IQCE: variants seen among roughly 807,000 people sequenced by gnomAD.
IQCE encodes IQ motif containing E.
In IQCE, 115 loss-of-function variants were observed where a neutral mutation model predicts 96.0. The observed-to-expected ratio is 1.20, with a 90% CI of 1.03 to 1.40. IQCE has a LOEUF of 1.40. Among genes scored for constraint, IQCE ranks in the 40% most tolerant of loss-of-function variants. IQCE has a pLI of 0.00. For synonymous variants in IQCE, 412 were observed against 371.2 expected (o/e 1.11, Z -1.26); for missense variants, 1,041 against 909.1 (o/e 1.15, Z -1.87).
intron 13 of IQCE, among the ~76,000 whole-genome samples, 188 bp downstream of exon 13, chr7:2,588,065 C>T (rs942939261): frequency 4.6e-5 from 7 of 152,248 alleles, no homozygotes; most frequent in African/African-American, 1.7e-4. Context: ...ATGCCCCTCG[C>T]TGGGCTGTGA....
At chr7:2,604,472 G>C (rs927983963) in intron 18 of IQCE, among the ~76,000 whole-genome samples, 1 of 152,210 alleles carries the variant, frequency 6.6e-6, no homozygotes, top group Non-Finnish European at 1.5e-5. Flanking sequence ...CAGAGGTCTT[G>C]TGGCCCCTTG....
At chr7:2,607,084 C>G in intron 20 of IQCE, 40 bp from the exon 21 acceptor site, 1 of 1,552,258 alleles carries the variant, frequency 6.4e-7, no homozygotes, top group Non-Finnish European at 8.7e-7. Context: ...TTTGTACTCT[C>G]TAAAAGCAGA....
At position 2,598,641 on chromosome 7, in the gene IQCE, C is replaced by G; in HGVS notation, c.1608+9C>G. 6 of 1,521,224 alleles carry G rather than the reference C, an allele frequency of 3.9e-6. No individual in the cohort carries two copies. Among genetic ancestry groups the G allele is most frequent in the Non-Finnish European group, 5.3e-6 (6 of 1,133,658 alleles). The allele number at this position is 1,521,224 out of a possible 1,614,324, so 94.2% of individuals were successfully genotyped here. On this transcript the variant is annotated intron_variant, in intron 17 of 21. Coordinates refer to ENST00000402050, the MANE Select transcript of IQCE (RefSeq NM_152558.5). ...AGGTGTACAAGCACAAGGTGAGGCT[C>G]CCCGGGGCGACCCGGGCTGCTCCCT...
At chr7:2,579,000 G>A (rs2917741) in intron 8 of IQCE, among the ~76,000 whole-genome samples, 114,061 of 150,362 alleles carry the variant, frequency 0.76, 43,529 homozygotes, top group African/African-American at 0.81. Context: ...CAGAGGTTGC[G>A]GTGAGTTGAG....
intron 16 of IQCE, among the ~76,000 whole-genome samples, chr7:2,597,690 CAG>C (rs1405067517): frequency 2.6e-5 from 4 of 152,226 alleles, no homozygotes; most frequent in Non-Finnish European, 5.9e-5. Context: ...TTTTTAGAGA[CAG>C]GGTCTCACTC....
intron 21 of IQCE, 51 bp from the exon 22 acceptor site, chr7:2,609,993 G>C (rs1562689919): frequency 9.9e-7 from 1 of 1,010,466 alleles, no homozygotes. Context: ...CGTGGTGGCA[G>C]CCCCTGAGGT....
At chr7:2,596,345 G>T (rs1303898393) in intron 16 of IQCE, among the ~76,000 whole-genome samples, 1 of 151,176 alleles carries the variant, frequency 6.6e-6, no homozygotes, top group African/African-American at 2.4e-5. Context: ...GAAAACAAAA[G>T]TGTCTGAAAA....
In IQCE at chr7:2,607,436, A is replaced by G. The variant is rs1784920113; in HGVS notation, c.1969+209A>G. The stretch of plus-strand genomic sequence containing the variant: ...GGCCCAGCTTGTCCTTTGTGCCTGG[A>G]ATTGCCGAGGTCCTTGCTGTCTTTA... On this transcript the variant is annotated intron_variant, in intron 21 of 21. Coordinates refer to ENST00000402050, the MANE Select transcript of IQCE (RefSeq NM_152558.5). The G allele has an allele frequency of 1.3e-5, 18 of 1,335,158 alleles. No individual in the cohort carries two copies. In the South Asian group the frequency reaches 3.4e-4, roughly 26 times the overall value. 82.7% of individuals were successfully genotyped at this position (1,335,158 alleles called of 1,614,324 possible). A position where few individuals can be genotyped will look rare whatever the true frequency, so the allele number is the denominator to read the frequency against.
intron 16 of IQCE, chr7:2,597,037 C>CGCAA (rs2128465193): frequency 2.1e-6 from 1 of 471,306 alleles, no homozygotes; most frequent in Admixed American, 2.3e-5. Flanking sequence ...AGGCAGGGCA[C>CGCAA]GCAAGGCCAC....
In IQCE at chr7:2,605,994, A is replaced by C; in HGVS notation, c.1862A>C (p.His621Pro). The C allele has an allele frequency of 1.2e-6, 2 of 1,606,812 alleles. No homozygotes were observed. The highest frequency in any genetic ancestry group is 1.1e-5 in the South Asian group (1 of 89,898). Residue 621 changes from histidine to proline, a missense_variant, in exon 20 of 22, where the codon CAC becomes CCC. His to Pro is a moderately conservative substitution (Grantham distance 77). Coordinates refer to ENST00000402050, the MANE Select transcript of IQCE (RefSeq NM_152558.5). ...CGGGCACACCTGGCCCGGGCCAGGC[A>C]CAGGTGAGTCAGGGTCACGGGGACG... The part of the protein sequence containing the change: ...ALRAHLARAR[H>P]SATGKRTTTA...
chr7:2,559,069 G>C lies in IQCE; in HGVS notation c.-113G>C, dbSNP rs902297212. ...TGGTTGCCATGGCAGCGGGGTCGCG[G>C]GCCGGCGCCAGGGAAGGCCCCGAGG... On this transcript the variant is annotated 5_prime_UTR_variant, in exon 1 of 22. Transcript: ENST00000402050. 4 of 560,308 alleles carry C rather than the reference G, an allele frequency of 7.1e-6. No homozygotes were observed. The highest frequency in any genetic ancestry group is 7.8e-6 in the Non-Finnish European group (3 of 386,442). The allele number at this position is 560,308 out of a possible 1,614,324, so 34.7% of individuals were successfully genotyped here.
chr7:2,578,820 G>A (rs1211563384), intron 8 of IQCE, among the ~76,000 whole-genome samples: 1 of 152,156 alleles, frequency 6.6e-6, no homozygotes, highest in Non-Finnish European at 1.5e-5. Context: ...CAGCGCTTTG[G>A]GAGGCCGAGG....
intron 20 of IQCE, among the ~76,000 whole-genome samples, chr7:2,606,374 G>A (rs953123485): frequency 6.6e-6 from 1 of 152,132 alleles, no homozygotes; most frequent in Non-Finnish European, 1.5e-5. Context: ...TGACCTCCGT[G>A]TTGGACACGG....
At chr7:2,608,027 G>A (rs1178587550) in intron 21 of IQCE, among the ~76,000 whole-genome samples, 1 of 152,216 alleles carries the variant, frequency 6.6e-6, no homozygotes, top group African/African-American at 2.4e-5. Flanking sequence ...AGGGAAGGAG[G>A]AGAGAGAACA....
rs1197972876 is a variant in IQCE, at chr7:2,611,277, G to C, written c.*1115G>C. ...CCTTGCTGGGGCGTCAAGAGGAAGA[G>C]CCTTAGACCTGGGCGGGCCTTCAGG... On this transcript the variant is annotated 3_prime_UTR_variant, in exon 22 of 22. Coordinates refer to ENST00000402050, the MANE Select transcript of IQCE (RefSeq NM_152558.5). 1.3e-5 allele frequency: 2 copies of C among 152,362 alleles called. No individual in the cohort carries two copies. Among genetic ancestry groups the C allele is most frequent in the Non-Finnish European group, 2.9e-5 (2 of 68,140 alleles). The allele number at this position is 152,362 out of a possible 1,614,324, so 9.4% of individuals were successfully genotyped here.
chr7:2,583,612 A>C (rs760553948), intron 9 of IQCE, 25 bp from the exon 10 acceptor site: 1 of 1,573,280 alleles, frequency 6.4e-7, no homozygotes, highest in Admixed American at 1.7e-5. Flanking sequence ...GCACATCCCT[A>C]TTAACGCTGA....
At position 2,613,460 on chromosome 7, in the gene IQCE, AGC is replaced by A. The variant is rs1176621331; in HGVS notation, c.*3300_*3301del. Reference sequence around the variant, plus strand: ...GGCCTTTGTAGGACGCTGTCTCCCCAGCGTGTCCTGCTCATCCAGGATGGGGA... The same window carrying A: ...GGCCTTTGTAGGACGCTGTCTCCCCAGTGTCCTGCTCATCCAGGATGGGGA... On this transcript the variant is annotated 3_prime_UTR_variant, in exon 22 of 22. Transcript: ENST00000402050. The A allele has an allele frequency of 6.6e-6, 1 of 152,218 alleles. No homozygotes were observed. The highest frequency in any genetic ancestry group is 6.5e-5 in the Admixed American group (1 of 15,292). The allele number at this position is 152,218 out of a possible 1,614,324, so 9.4% of individuals were successfully genotyped here. A position where few individuals can be genotyped will look rare whatever the true frequency, so the allele number is the denominator to read the frequency against.
At chr7:2,573,809 A>G (rs933173518) in intron 6 of IQCE, among the ~76,000 whole-genome samples, 1 of 152,232 alleles carries the variant, frequency 6.6e-6, no homozygotes, top group African/African-American at 2.4e-5. Flanking sequence ...TGATAAGGTC[A>G]CTGGTAGAGT....
At chr7:2,583,220 C>T (rs995317965) in intron 9 of IQCE, among the ~76,000 whole-genome samples, 3 of 152,134 alleles carry the variant, frequency 2.0e-5, no homozygotes, top group East Asian at 1.9e-4. Flanking sequence ...CTTTTGAGAC[C>T]GAGGGGATGG....
Sources: gnomAD v4.1 joint callset for allele counts (sites outside exome capture counted in the v4.1 genomes callset) on GRCh38, gnomAD v4.1.1 for gene constraint, MANE v1.5 for transcripts, NCBI Gene and HGNC (gene_info 2026-07-23, HGNC 2026-07-21) for gene names.